PCDHGB6: variants seen among roughly 807,000 people sequenced by gnomAD.
PCDHGB6 encodes protocadherin gamma subfamily B, 6, also known as protocadherin gamma-B6.
In PCDHGB6, 51 loss-of-function variants were observed where a neutral mutation model predicts 59.1. That is an observed-to-expected ratio of 0.86 (90% confidence interval 0.69 to 1.09). The LOEUF (loss-of-function observed/expected upper bound fraction) is 1.09. PCDHGB6 is among the 50% of genes least tolerant of loss of function. PCDHGB6 has a pLI of 0.00. For synonymous variants in PCDHGB6, 466 were observed against 495.1 expected, an observed-to-expected ratio of 0.94 and a Z score of 0.78; for missense variants, 1,148 against 1,205.1, an observed-to-expected ratio of 0.95 and a Z score of 0.70.
chr5:141,457,417 CT>C lies in PCDHGB6; in HGVS notation c.2419-37385del, dbSNP rs894846890. On this transcript the variant is annotated intron_variant, in intron 1 of 3. Transcript: ENST00000520790. ...ATTCACATTTTCACATTACCCATCC[CT>C]TTTTCCCCCCCACCAAGCTGCAGAA... Among the ~76,000 whole-genome samples, 3 of 152,296 alleles carry C rather than the reference CT, an allele frequency of 2.0e-5. No individual in the cohort carries two copies. In the South Asian group the frequency reaches 6.2e-4, roughly 32 times the overall value.
In PCDHGB6 at chr5:141,476,467, G is replaced by A. The variant is rs375302797; in HGVS notation, c.2419-18340G>A. On this transcript the variant is annotated intron_variant, in intron 1 of 3. Transcript: ENST00000520790. This position sits in a 1 kb window ranked among gnomAD's most constrained non-coding sequence, Gnocchi z 7.6. Reference sequence around the variant, plus strand: ...AGTTGGTAGTGGAGAACCCGCTGGAGCTGTTCAGCGTGGAAGTGGTGATCC... The same window carrying A: ...AGTTGGTAGTGGAGAACCCGCTGGAACTGTTCAGCGTGGAAGTGGTGATCC... The A allele has an allele frequency of 2.3e-5, 37 of 1,614,142 alleles. No individual in the cohort carries two copies. The African/African-American group carries it at 4.5e-4, about 20-fold the overall frequency.
chr5:141,420,975 G>A, intron 1 of PCDHGB6: 2 of 458,946 alleles, frequency 4.4e-6, no homozygotes, highest in South Asian at 4.2e-5. Context: ...TAATAAGAAT[G>A]GGCTCTAGGC....
Position 141,476,140 on chromosome 5 carries a change from C to G in PCDHGB6, c.2419-18667C>G. On this transcript the variant is annotated intron_variant, in intron 1 of 3. Coordinates refer to ENST00000520790, the MANE Select transcript of PCDHGB6 (RefSeq NM_018926.3). This position sits in a 1 kb window ranked among gnomAD's most constrained non-coding sequence, Gnocchi z 7.6. ...AGATGGTCCCAGAGGCCTGGAGGAGCGGACTGGTAAGCACCGGGAGGGTAG... is the reference window on the plus strand; with the variant it reads ...AGATGGTCCCAGAGGCCTGGAGGAGGGGACTGGTAAGCACCGGGAGGGTAG... The G allele has an allele frequency of 2.5e-6, 4 of 1,609,222 alleles. No individual in the cohort carries two copies. Among genetic ancestry groups the G allele is most frequent in the Non-Finnish European group, 1.7e-6 (2 of 1,178,484 alleles).
chr5:141,417,678 A>G (rs1306009640), intron 1 of PCDHGB6: 4 of 997,368 alleles, frequency 4.0e-6, no homozygotes, highest in Non-Finnish European at 5.7e-6. Flanking sequence ...GCAGCCAACA[A>G]CAGAAAAGAA....
At chr5:141,414,081 T>C (rs748527220) in intron 1 of PCDHGB6, 1 of 1,601,774 alleles carries the variant, frequency 6.2e-7, no homozygotes, top group South Asian at 1.1e-5. Flanking sequence ...ACAAATATAC[T>C]GGAGAAATAA....
Position 141,425,635 on chromosome 5 carries a change from T to C in PCDHGB6, c.2418+15015T>C, listed in dbSNP as rs376675545. On this transcript the variant is annotated intron_variant, in intron 1 of 3. Coordinates refer to ENST00000520790, the MANE Select transcript of PCDHGB6 (RefSeq NM_018926.3). ...TCAGTGCTCCTCCAGTTTTCTCTGA[T>C]AAAACTAGGAGGAAAATTATCTGCA... Among the ~76,000 whole-genome samples, 51 of 152,354 alleles carry C rather than the reference T, an allele frequency of 3.3e-4. 1 individual carries two copies. The South Asian group carries it at 0.01, about 30-fold the overall frequency.
chr5:141,477,634 G>C lies in PCDHGB6; in HGVS notation c.2419-17173G>C. 2 of 1,614,176 alleles carry C rather than the reference G, an allele frequency of 1.2e-6. No individual in the cohort carries two copies. Among genetic ancestry groups the C allele is most frequent in the Non-Finnish European group, 1.7e-6 (2 of 1,180,034 alleles). On this transcript the variant is annotated intron_variant, in intron 1 of 3. Transcript: ENST00000520790. This position sits in a 1 kb window ranked among gnomAD's most constrained non-coding sequence, Gnocchi z 4.9. Reference sequence around the variant, plus strand: ...AGCAAGGAGCTGAAACCGGGCTAGTGGGTCGCTATTTCACAATAAATCGTG... The same window carrying C: ...AGCAAGGAGCTGAAACCGGGCTAGTCGGTCGCTATTTCACAATAAATCGTG...
rs201378410 is a variant in PCDHGB6, at chr5:141,414,802, G to T, written c.2418+4182G>T. Reference sequence around the variant, plus strand: ...GCAGGTGACAGCCAGCGACAGCGGGGATCCTCCACTCAGCAGCAACGTGTC... The same window carrying T: ...GCAGGTGACAGCCAGCGACAGCGGGTATCCTCCACTCAGCAGCAACGTGTC... On this transcript the variant is annotated intron_variant, in intron 1 of 3. Coordinates refer to ENST00000520790, the MANE Select transcript of PCDHGB6 (RefSeq NM_018926.3). The T allele has an allele frequency of 4.3e-6, 7 of 1,614,226 alleles. No homozygotes were observed. The African/African-American group carries it at 8.0e-5, about 18-fold the overall frequency.
chr5:141,476,055 GT>G lies in PCDHGB6; in HGVS notation c.2419-18749del. 6.7e-7 allele frequency: 1 copy of G among 1,503,516 alleles called. No homozygotes were observed. Among genetic ancestry groups the G allele is most frequent in the South Asian group, 1.3e-5 (1 of 75,386 alleles). The allele number at this position is 1,503,516 out of a possible 1,614,324, so 93.1% of individuals were successfully genotyped here. ...GCGCCCAAGCGCTAACCCGCTGAAA[GT>G]TTCTCAGCGAAATCTCAGGGACGAT... On this transcript the variant is annotated intron_variant, in intron 1 of 3. Transcript: ENST00000520790. The surrounding 1 kb of genome is among the most constrained non-coding windows in gnomAD (Gnocchi z 7.6).
At chr5:141,427,276 T>G (rs1281222927) in intron 1 of PCDHGB6, 1 of 456,754 alleles carries the variant, frequency 2.2e-6, no homozygotes, top group Non-Finnish European at 4.4e-6. Context: ...GAATGTAAAA[T>G]TATACTAGAA....
chr5:141,505,486 G>A lies in PCDHGB6; in HGVS notation c.2566+5G>A, dbSNP rs1291166546. The A allele has an allele frequency of 1.8e-5, 29 of 1,614,088 alleles. No homozygotes were observed. The highest frequency in any genetic ancestry group is 2.1e-5 in the Non-Finnish European group (25 of 1,180,018). On this transcript the variant is annotated splice_donor_5th_base_variant and intron_variant, in intron 3 of 3. Transcript: ENST00000520790. ...TGATCTTGGCGTCCGCCAGTGGTAA[G>A]TGGTGTCAGTGTGTGTATGGAAGAG...
Position 141,432,488 on chromosome 5 carries a change from C to G in PCDHGB6, c.2418+21868C>G. 6.2e-7 allele frequency: 1 copy of G among 1,614,202 alleles called. No homozygotes were observed. Among genetic ancestry groups the G allele is most frequent in the Non-Finnish European group, 8.5e-7 (1 of 1,180,048 alleles). On this transcript the variant is annotated intron_variant, in intron 1 of 3. Coordinates refer to ENST00000520790, the MANE Select transcript of PCDHGB6 (RefSeq NM_018926.3). This position sits in a 1 kb window ranked among gnomAD's most constrained non-coding sequence, Gnocchi z 6.0. ...CACGGACGGTTCCACTGGCGTGGAGCTGGCTCCCCGCTCCGCAGAGCCCGG... is the reference window on the plus strand; with the variant it reads ...CACGGACGGTTCCACTGGCGTGGAGGTGGCTCCCCGCTCCGCAGAGCCCGG...
chr5:141,489,546 C>T lies in PCDHGB6; in HGVS notation c.2419-5261C>T, dbSNP rs1404605129. ...GCCTATGTGGAGCCAGCACCAGCTGCCTGCTGCCAGTGCAGGTGGTGACTG... is the reference window on the plus strand; with the variant it reads ...GCCTATGTGGAGCCAGCACCAGCTGTCTGCTGCCAGTGCAGGTGGTGACTG... On this transcript the variant is annotated intron_variant, in intron 1 of 3. Coordinates refer to ENST00000520790, the MANE Select transcript of PCDHGB6 (RefSeq NM_018926.3). The surrounding 1 kb of genome is among the most constrained non-coding windows in gnomAD (Gnocchi z 4.5). 2 of 1,614,076 alleles carry T rather than the reference C, an allele frequency of 1.2e-6. No homozygotes were observed. The highest frequency in any genetic ancestry group is 2.2e-5 in the East Asian group (1 of 44,868).
At chr5:141,429,164 G>A (rs2097189096) in intron 1 of PCDHGB6, 1 of 131,392 alleles carries the variant, frequency 7.6e-6, no homozygotes, top group African/African-American at 3.1e-5. Flanking sequence ...CGGAGACATT[G>A]TTTATACACA....
At chr5:141,426,775 A>G (rs2096959432) in intron 1 of PCDHGB6, 1 of 456,496 alleles carries the variant, frequency 2.2e-6, no homozygotes, top group South Asian at 1.5e-5. Context: ...GTAGGGCCTC[A>G]CTCTCTCCAG....
Position 141,486,271 on chromosome 5 carries a change from C to G in PCDHGB6, c.2419-8536C>G, listed in dbSNP as rs143039217. ...CCCTCCCCGAGAGTGCAGAACCTGG[C>G]ACTGTGGTGGCACTTATCAGTGTGC... On this transcript the variant is annotated intron_variant, in intron 1 of 3. Coordinates refer to ENST00000520790, the MANE Select transcript of PCDHGB6 (RefSeq NM_018926.3). The surrounding 1 kb of genome is among the most constrained non-coding windows in gnomAD (Gnocchi z 5.0). 6.2e-7 allele frequency: 1 copy of G among 1,613,968 alleles called. No homozygotes were observed. Among genetic ancestry groups the G allele is most frequent in the African/African-American group, 1.3e-5 (1 of 74,902 alleles).
Position 141,490,688 on chromosome 5 carries a change from C to G in PCDHGB6, c.2419-4119C>G. 1 of 1,614,218 alleles carries G rather than the reference C, an allele frequency of 6.2e-7. No individual in the cohort carries two copies. Among genetic ancestry groups the G allele is most frequent in the Non-Finnish European group, 8.5e-7 (1 of 1,180,032 alleles). On this transcript the variant is annotated intron_variant, in intron 1 of 3. Coordinates refer to ENST00000520790, the MANE Select transcript of PCDHGB6 (RefSeq NM_018926.3). The surrounding 1 kb of genome is among the most constrained non-coding windows in gnomAD (Gnocchi z 5.4). ...ACTGTGGCTGCCTCAGATCCAGACA[C>G]TGGGGATAATGCCCGCCTCACCTAC...
chr5:141,442,153 C>T, intron 1 of PCDHGB6: 1 of 158,698 alleles, frequency 6.3e-6, no homozygotes, highest in Non-Finnish European at 1.4e-5. Flanking sequence ...CAGACCTCAG[C>T]GATCACTCTG....
At position 141,486,112 on chromosome 5, in the gene PCDHGB6, G is replaced by A; in HGVS notation, c.2419-8695G>A. ...TGGGGCCCCTAGACTTTGAGAGTGA[G>A]AATTACTATGAATTTGATGTGCGGG... On this transcript the variant is annotated intron_variant, in intron 1 of 3. Transcript: ENST00000520790. This position sits in a 1 kb window ranked among gnomAD's most constrained non-coding sequence, Gnocchi z 5.0. 1 of 1,614,166 alleles carries A rather than the reference G, an allele frequency of 6.2e-7. No homozygotes were observed. Among genetic ancestry groups the A allele is most frequent in the Non-Finnish European group, 8.5e-7 (1 of 1,180,024 alleles).
Sources: gnomAD v4.1 joint callset for allele counts (sites outside exome capture counted in the v4.1 genomes callset) on GRCh38, gnomAD v4.1.1 for gene constraint, Gnocchi (gnomAD v3.1) non-coding constraint, MANE v1.5 for transcripts, NCBI Gene and HGNC (gene_info 2026-07-23, HGNC 2026-07-21) for gene names.